VWA3B: variants seen among roughly 807,000 people sequenced by gnomAD.
VWA3B encodes the protein von Willebrand factor A domain-containing protein 3B.
A neutral mutation model predicts 158.3 loss-of-function variants in VWA3B; 138 were observed. That is an observed-to-expected ratio of 0.87 (90% confidence interval 0.76 to 1.00). The LOEUF (loss-of-function observed/expected upper bound fraction) is 1.00. Among genes scored for constraint, VWA3B ranks in the 50% least tolerant of loss-of-function variants. VWA3B has a pLI of 0.00. For missense variants in VWA3B, 1,555 were observed against 1,565.1 expected, an observed-to-expected ratio of 0.99 and a Z score of 0.11; for synonymous variants, 596 against 587.3, an observed-to-expected ratio of 1.01 and a Z score of -0.21.
At position 98,256,259 on chromosome 2, in the gene VWA3B, A is replaced by G. The variant is rs957584566; in HGVS notation, c.2843+85A>G. 3.5e-6 allele frequency: 5 copies of G among 1,421,686 alleles called. No individual in the cohort carries two copies. The Admixed American group carries it at 6.4e-5, about 18-fold the overall frequency. The allele number at this position is 1,421,686 out of a possible 1,614,324, so 88.1% of individuals were successfully genotyped here. ...TTAACCATTTTAAAGTGTACAATGC[A>G]GAGGTATTTAAAATATTCAAAATGT... On this transcript the variant is annotated intron_variant, in intron 21 of 27. Coordinates refer to ENST00000477737, the MANE Select transcript of VWA3B (RefSeq NM_144992.5).
rs931353007 is a variant in VWA3B, at chr2:98,180,533, A to T, written c.1115-483A>T. ...ACTGGATTGCTGCAGTTTACCTAGG[A>T]AGGCCAAGCAAATACTGTCTTCCAG... On this transcript the variant is annotated intron_variant, in intron 8 of 27. Transcript: ENST00000477737. 2.0e-5 allele frequency among the ~76,000 whole-genome samples: 3 copies of T among 152,224 alleles called. No homozygotes were observed. The East Asian group carries it at 5.8e-4, about 29-fold the overall frequency.
At chr2:98,238,734 A>C (rs1021664308) in intron 19 of VWA3B, among the ~76,000 whole-genome samples, 1 of 152,210 alleles carries the variant, frequency 6.6e-6, no homozygotes, top group East Asian at 1.9e-4. Flanking sequence ...TGCAACATAC[A>C]TGACAGACAA....
At chr2:98,147,893 T>C (rs541880010) in intron 7 of VWA3B, among the ~76,000 whole-genome samples, 1 of 138,042 alleles carries the variant, frequency 7.2e-6, no homozygotes, top group Admixed American at 7.4e-5. Context: ...ATGTTCCCCT[T>C]CCTGTGTCCA....
intron 19 of VWA3B, among the ~76,000 whole-genome samples, chr2:98,247,180 T>C (rs1468133278): frequency 6.6e-6 from 1 of 151,970 alleles, no homozygotes; most frequent in Non-Finnish European, 1.5e-5. Flanking sequence ...GTATTTTTAG[T>C]AGAGACGGGG....
intron 8 of VWA3B, among the ~76,000 whole-genome samples, chr2:98,169,971 A>T (rs1160350854): frequency 1.3e-5 from 2 of 151,994 alleles, no homozygotes; most frequent in African/African-American, 4.8e-5. Context: ...AAATGTGAAA[A>T]TTAGCCAGGC....
In VWA3B at chr2:98,255,182, A is replaced by ATTTT. The variant is rs769708577; in HGVS notation, c.2793-916_2793-913dup. Reference sequence around the variant, plus strand: ...TCGCCCGCCACCACGCCCGGCTGATATTTTTTTTTTTTTTTTTTTTTTTTT... The same window carrying ATTTT: ...TCGCCCGCCACCACGCCCGGCTGATATTTTTTTTTTTTTTTTTTTTTTTTTTTTT... On this transcript the variant is annotated intron_variant, in intron 20 of 27. Transcript: ENST00000477737. Among the ~76,000 whole-genome samples, 42 of 52,152 alleles carry ATTTT rather than the reference A, an allele frequency of 8.1e-4. 9 individuals are homozygous for ATTTT. Among genetic ancestry groups the ATTTT allele is most frequent in the Middle Eastern group, 0.025 (1 of 40 alleles). The allele number at this position is 52,152 out of a possible 152,430, so 34.2% of individuals were successfully genotyped here.
chr2:98,204,455 T>G (rs1682843859), intron 12 of VWA3B, among the ~76,000 whole-genome samples: 1 of 152,238 alleles, frequency 6.6e-6, no homozygotes, highest in Non-Finnish European at 1.5e-5. Context: ...GTACTGAATT[T>G]TTATACTGAA....
chr2:98,158,315 G>GCA (rs371465039), intron 7 of VWA3B, among the ~76,000 whole-genome samples: 3 of 152,002 alleles, frequency 2.0e-5, no homozygotes, highest in South Asian at 2.1e-4. Flanking sequence ...GTCAGCCGGT[G>GCA]CACACACACA....
chr2:98,104,877 T>A (rs2104872175), intron 2 of VWA3B, among the ~76,000 whole-genome samples: 1 of 152,334 alleles, frequency 6.6e-6, no homozygotes, highest in East Asian at 1.9e-4. Flanking sequence ...TGACTTCATA[T>A]AAAATGAAAC....
At chr2:98,158,155 C>G (rs561123153) in intron 7 of VWA3B, among the ~76,000 whole-genome samples, 1 of 152,210 alleles carries the variant, frequency 6.6e-6, no homozygotes, top group East Asian at 1.9e-4. Context: ...TGCTCCAGAA[C>G]TGTTTCTATG....
chr2:98,138,756 C>T (rs955905213), intron 7 of VWA3B, among the ~76,000 whole-genome samples: 1 of 152,228 alleles, frequency 6.6e-6, no homozygotes, highest in Non-Finnish European at 1.5e-5. Context: ...CCCAGGGCCC[C>T]AAAAGCTGAG....
rs1167346614 is a variant in VWA3B, at chr2:98,312,322, G to GCTGA, written c.3859_3862dup (p.Arg1288ThrfsTer6). The GCTGA allele has an allele frequency of 6.2e-7, 1 of 1,613,388 alleles. No individual in the cohort carries two copies. Among genetic ancestry groups the GCTGA allele is most frequent in the Non-Finnish European group, 8.5e-7 (1 of 1,179,650 alleles). On this transcript the variant is annotated frameshift_variant, in exon 28 of 28. Transcript: ENST00000477737. LOFTEE classifies it high-confidence loss of function. ...TCCAAGCCACCCACAGCAGCAAAGG[G>GCTGA]CTGAGGAGCGTCCCTGAGACACTTT...
intron 2 of VWA3B, among the ~76,000 whole-genome samples, chr2:98,103,978 CATT>C (rs1426941484): frequency 5.9e-5 from 9 of 152,104 alleles, no homozygotes; most frequent in Admixed American, 5.9e-4. Flanking sequence ...TTATTTCAGA[CATT>C]AGTCATTGTT....
intron 12 of VWA3B, among the ~76,000 whole-genome samples, chr2:98,194,809 A>AT (rs901545833): frequency 6.6e-6 from 1 of 151,756 alleles, no homozygotes; most frequent in African/African-American, 2.4e-5. Context: ...AGACATTCAG[A>AT]TTTTTTTCTT....
chr2:98,117,128 A>G (rs1415109607), intron 3 of VWA3B, among the ~76,000 whole-genome samples: 1 of 152,182 alleles, frequency 6.6e-6, no homozygotes, highest in East Asian at 1.9e-4. Context: ...CAGTCTGGTT[A>G]AGAACCACTG....
chr2:98,290,305 C>G (rs1424379396), intron 22 of VWA3B, among the ~76,000 whole-genome samples: 1 of 152,122 alleles, frequency 6.6e-6, no homozygotes, highest in African/African-American at 2.4e-5. Flanking sequence ...ATCACAAGAA[C>G]AGCACTAGGA....
In VWA3B at chr2:98,135,345, T is replaced by C. The variant is rs867827487; in HGVS notation, c.988+1406T>C. Among the ~76,000 whole-genome samples the C allele has an allele frequency of 2.0e-3, 257 of 131,256 alleles. 3 individuals are homozygous for C. Among genetic ancestry groups the C allele is most frequent in the African/African-American group, 7.7e-3 (251 of 32,770 alleles). The allele number at this position is 131,256 out of a possible 152,430, so 86.1% of individuals were successfully genotyped here. A position where few individuals can be genotyped will look rare whatever the true frequency, so the allele number is the denominator to read the frequency against. ...TTTTTCTTTTTTTTTTTTTTTTTTT[T>C]TTTTTTTTGAGACAGAGTCTCGCTC... On this transcript the variant is annotated intron_variant, in intron 7 of 27. Transcript: ENST00000477737.
Position 98,236,447 on chromosome 2 carries a change from C to G in VWA3B, c.2486C>G (p.Thr829Arg). The change falls in exon 18 of 28, where the codon ACG becomes AGG. Residue 829 changes from threonine to arginine, a missense_variant. Thr to Arg is a moderately conservative substitution (Grantham distance 71, BLOSUM62 -1). Transcript: ENST00000477737. ...GATGACAAATCGTCAGAAAAGGTGACGCGAGAAGGAAGCCAGGTTTATGAC... is the reference window on the plus strand; with the variant it reads ...GATGACAAATCGTCAGAAAAGGTGAGGCGAGAAGGAAGCCAGGTTTATGAC... ...WLDDKSSEKVTREGSQVYDHD... is the reference protein window; with the variant it reads ...WLDDKSSEKVRREGSQVYDHD... The G allele has an allele frequency of 6.2e-7, 1 of 1,614,104 alleles. No homozygotes were observed. Among genetic ancestry groups the G allele is most frequent in the Non-Finnish European group, 8.5e-7 (1 of 1,180,024 alleles).
At chr2:98,170,581 T>C (rs557365731) in intron 8 of VWA3B, among the ~76,000 whole-genome samples, 9 of 151,856 alleles carry the variant, frequency 5.9e-5, no homozygotes, top group Non-Finnish European at 1.3e-4. Flanking sequence ...TGGGTGGTGA[T>C]GAAGTACACA....
Sources: gnomAD v4.1 joint callset for allele counts (sites outside exome capture counted in the v4.1 genomes callset) on GRCh38, gnomAD v4.1.1 for gene constraint, MANE v1.5 for transcripts, NCBI Gene and HGNC (gene_info 2026-07-23, HGNC 2026-07-21) for gene names.